Variants in MAP1A observed in about 807,000 individuals in gnomAD.
MAP1A encodes microtubule associated protein 1A, also known as microtubule-associated protein 1A.
In MAP1A, 42 loss-of-function variants were observed where a neutral mutation model predicts 185.9. The ratio of observed to expected loss-of-function variants is 0.23; its 90% confidence interval spans 0.18 to 0.29. MAP1A has a LOEUF of 0.29. Ranked by LOEUF, MAP1A falls within the 10% of genes least tolerant of loss-of-function variation. MAP1A has a pLI of 1.00. For missense variants in MAP1A, 2,995 were observed against 3,450.4 expected (o/e 0.87, Z 3.31); for synonymous variants, 1,229 against 1,335.9 (o/e 0.92, Z 1.74).
rs747124404 is a variant in MAP1A at position 43,523,564 on chromosome 15, G to A, written c.2091G>A (p.Glu697=). The part of the protein sequence containing the change: ...EPLKVTPRSR[E]AFGGRELGLQ... ...TGAAGGTAACTCCAAGGAGCCGGGAGGCTTTTGGGGGTCGGGAATTGGGAC... is the reference window on the plus strand; with the variant it reads ...TGAAGGTAACTCCAAGGAGCCGGGAAGCTTTTGGGGGTCGGGAATTGGGAC... Residue 697 remains glutamate, a synonymous_variant, in exon 4 of 6, where the codon GAG becomes GAA. Coordinates refer to ENST00000300231, the MANE Select transcript of MAP1A (RefSeq NM_002373.6). 4 of 1,614,072 alleles carry A rather than the reference G, an allele frequency of 2.5e-6. No individual in the cohort carries two copies. The highest frequency in any genetic ancestry group is 2.2e-5 in the South Asian group (2 of 91,092).
rs745783861 is a variant in MAP1A, at chr15:43,529,710, C to T, written c.8096C>T (p.Pro2699Leu). ...GTATATGTGGATCTCGCCTACATCC[C>T]GAATCATTGCAGTGGCAAGACTGCT... ...APVYVDLAYI[P>L]NHCSGKTADL... Residue 2699 changes from proline (P) to leucine (L), a missense_variant, in exon 5 of 6, where the codon CCG becomes CTG. Pro to Leu is a moderately conservative substitution (Grantham distance 98). Around this residue, in one of 3 missense-constraint regions of MAP1A, gnomAD observed 2,728 missense variants for 2,986.0 expected, o/e 0.91. Transcript: ENST00000300231. The surrounding 1 kb of genome is among the most constrained non-coding windows in gnomAD (Gnocchi z 4.3). 3.1e-6 allele frequency: 5 copies of T among 1,614,026 alleles called. No individual in the cohort carries two copies. Among genetic ancestry groups the T allele is most frequent in the Non-Finnish European group, 4.2e-6 (5 of 1,179,996 alleles).
intron 1 of MAP1A, among the ~76,000 whole-genome samples, chr15:43,520,268 C>G (rs2079314116): frequency 6.6e-6 from 1 of 152,184 alleles, no homozygotes; most frequent in Non-Finnish European, 1.5e-5. Context: ...CCCAGGGGCC[C>G]TCTCTCCAGC....
chr15:43,516,228 G>A (rs2079296764), upstream of MAP1A, among the ~76,000 whole-genome samples: 1 of 152,174 alleles, frequency 6.6e-6, no homozygotes, highest in African/African-American at 2.4e-5. Flanking sequence ...CCCAAACGGG[G>A]TTGTTGCCAT....
chr15:43,528,344 C>G lies in MAP1A; in HGVS notation c.6871C>G (p.Pro2291Ala). The change falls in exon 4 of 6, where the codon CCA becomes GCA. Residue 2291 changes from proline (P) to alanine (A), a missense_variant. By Grantham distance (27) the Pro-to-Ala change is conservative (BLOSUM62 -1). Transcript: ENST00000300231. ...AGAACAGGAGTCTGGAGAGCTGGAC[C>G]CAGGAATGGAACCAGCTGCCCACAG... ...AAEQESGELDPGMEPAAHSLW... is the reference protein window; with the variant it reads ...AAEQESGELDAGMEPAAHSLW... The G allele has an allele frequency of 6.2e-7, 1 of 1,614,068 alleles. No individual in the cohort carries two copies. Among genetic ancestry groups the G allele is most frequent in the Non-Finnish European group, 8.5e-7 (1 of 1,180,026 alleles).
In MAP1A at chr15:43,522,357, C is replaced by T. The variant is rs759475015; in HGVS notation, c.884C>T (p.Thr295Met). The change falls in exon 4 of 6, where the codon ACG becomes ATG. Residue 295 changes from threonine (T) to methionine (M), a missense_variant. Physicochemically the swap from Thr to Met is moderately conservative, Grantham distance 81 (BLOSUM62 -1). Coordinates refer to ENST00000300231, the MANE Select transcript of MAP1A (RefSeq NM_002373.6). The surrounding 1 kb of genome is among the most constrained non-coding windows in gnomAD (Gnocchi z 5.9). The stretch of plus-strand genomic sequence containing the variant: ...GACTTCCTGCGTTACCCTGTGGCCA[C>T]GCAGAAGGACCTGGCTTCTGGGGCT... Reference protein sequence around the residue: ...HLDFLRYPVATQKDLASGAVP... With the variant: ...HLDFLRYPVAMQKDLASGAVP... The T allele has an allele frequency of 1.4e-5, 22 of 1,614,032 alleles. No homozygotes were observed. Among genetic ancestry groups the T allele is most frequent in the South Asian group, 7.7e-5 (7 of 91,084 alleles).
chr15:43,528,561 C>T lies in MAP1A; in HGVS notation c.7088C>T (p.Thr2363Ile), dbSNP rs770203532. 5 of 1,613,792 alleles carry T rather than the reference C, an allele frequency of 3.1e-6. No homozygotes were observed. In the South Asian group the frequency reaches 5.5e-5, roughly 18 times the overall value. ...PSEDCAANGP[T>I]ETSPNPPGPA... ...GAGGATTGTGCAGCCAATGGCCCAACTGAAACCAGCCCTAACCCCCCAGGC... is the reference window on the plus strand; with the variant it reads ...GAGGATTGTGCAGCCAATGGCCCAATTGAAACCAGCCCTAACCCCCCAGGC... Residue 2363 changes from threonine to isoleucine, a missense_variant, in exon 4 of 6, where the codon ACT (threonine) becomes ATT (isoleucine). Thr to Ile is a moderately conservative substitution (Grantham distance 89, BLOSUM62 -1). Around this residue, in one of 3 missense-constraint regions of MAP1A, gnomAD observed 2,728 missense variants for 2,986.0 expected, o/e 0.91. Transcript: ENST00000300231.
chr15:43,519,366 G>A (rs1040258861), intron 1 of MAP1A, among the ~76,000 whole-genome samples: 1 of 152,202 alleles, frequency 6.6e-6, no homozygotes, highest in African/African-American at 2.4e-5. Context: ...TGTGCTGCCA[G>A]ATCTGCCTGA....
In MAP1A at chr15:43,524,253, T is replaced by C. The variant is rs772722648; in HGVS notation, c.2780T>C (p.Ile927Thr). 3.7e-5 allele frequency: 59 copies of C among 1,613,870 alleles called. No homozygotes were observed. The highest frequency in any genetic ancestry group is 4.6e-5 in the Non-Finnish European group (54 of 1,180,004). Reference sequence around the variant, plus strand: ...GGGGAGTCAGAGAAGAGAGGAGAGATCATAGGGAAAGGCTTGTCTGGAGAG... The same window carrying C: ...GGGGAGTCAGAGAAGAGAGGAGAGACCATAGGGAAAGGCTTGTCTGGAGAG... ...VTGESEKRGE[I>T]IGKGLSGERA... The change falls in exon 4 of 6, where the codon ATC (isoleucine) becomes ACC (threonine). Residue 927 changes from isoleucine to threonine, a missense_variant. This residue lies in a region of MAP1A where 2,728 missense variants were observed against 2,986.0 expected (regional missense o/e 0.91). Transcript: ENST00000300231.
Position 43,528,345 on chromosome 15 carries a change from C to T in MAP1A, c.6872C>T (p.Pro2291Leu). 6.2e-7 allele frequency: 1 copy of T among 1,614,086 alleles called. No homozygotes were observed. Among genetic ancestry groups the T allele is most frequent in the Non-Finnish European group, 8.5e-7 (1 of 1,180,024 alleles). ...AAEQESGELD[P>L]GMEPAAHSLW... ...GAACAGGAGTCTGGAGAGCTGGACC[C>T]AGGAATGGAACCAGCTGCCCACAGC... The change falls in exon 4 of 6, where the codon CCA (proline) becomes CTA (leucine). Residue 2291 changes from proline (P) to leucine (L), a missense_variant. Pro to Leu is a moderately conservative substitution (Grantham distance 98). Around this residue, in one of 3 missense-constraint regions of MAP1A, gnomAD observed 2,728 missense variants for 2,986.0 expected, o/e 0.91. Coordinates refer to ENST00000300231, the MANE Select transcript of MAP1A (RefSeq NM_002373.6).
rs2079327310 is a variant in MAP1A at position 43,523,236 on chromosome 15, A to G, written c.1763A>G (p.His588Arg). 6.2e-7 allele frequency: 1 copy of G among 1,613,964 alleles called. No homozygotes were observed. Among genetic ancestry groups the G allele is most frequent in the Admixed American group, 1.7e-5 (1 of 59,986 alleles). The change falls in exon 4 of 6, where the codon CAT (histidine) becomes CGT (arginine). Residue 588 changes from histidine (H) to arginine (R), a missense_variant. Transcript: ENST00000300231. ...PSVPGLGQEE[H>R]VMKEKELVPE... ...GTTCCAGGGCTGGGACAAGAAGAAC[A>G]TGTGATGAAGGAGAAAGAGCTTGTC...
At position 43,530,391 on chromosome 15, in the gene MAP1A, T is replaced by C. The variant is rs887322623; in HGVS notation, c.*167T>C. 1 of 784,002 alleles carries C rather than the reference T, an allele frequency of 1.3e-6. No homozygotes were observed. The highest frequency in any genetic ancestry group is 1.7e-5 in the African/African-American group (1 of 57,244). 48.6% of individuals were successfully genotyped at this position (784,002 alleles called of 1,614,324 possible). A position where few individuals can be genotyped will look rare whatever the true frequency, so the allele number is the denominator to read the frequency against. ...AAATGGGAGGGGTTGTCCCTCCCCA[T>C]CATCCATTCCTGTGAGGTGTCTCAA... On this transcript the variant is annotated 3_prime_UTR_variant, in exon 6 of 6. Transcript: ENST00000300231.
Position 43,526,671 on chromosome 15 carries a change from G to GCCCAGATGATGAGCAAGAAGTACC in MAP1A, c.5201_5224dup (p.Pro1734_Pro1741dup), listed in dbSNP as rs780626440. 3.3e-5 allele frequency: 54 copies of GCCCAGATGATGAGCAAGAAGTACC among 1,613,894 alleles called. No individual in the cohort carries two copies. The Admixed American group carries it at 9.0e-4, about 27-fold the overall frequency. ...CGGGAAAGCACTTTCCTAGATGAGGGCCCAGATGATGAGCAAGAAGTACCC... is the reference window on the plus strand; with the variant it reads ...CGGGAAAGCACTTTCCTAGATGAGGGCCCAGATGATGAGCAAGAAGTACCCCCAGATGATGAGCAAGAAGTACCC... On this transcript the variant is annotated inframe_insertion, in exon 4 of 6. Coordinates refer to ENST00000300231, the MANE Select transcript of MAP1A (RefSeq NM_002373.6). The surrounding 1 kb of genome is among the most constrained non-coding windows in gnomAD (Gnocchi z 4.7).
rs1158614651 is a variant in MAP1A at position 43,530,120 on chromosome 15, C to G, written c.8308C>G (p.Gln2770Glu). 5.6e-6 allele frequency: 9 copies of G among 1,614,092 alleles called. No individual in the cohort carries two copies. In the South Asian group the frequency reaches 8.8e-5, roughly 16 times the overall value. The part of the protein sequence containing the change: ...DTEVTREWYQ[Q>E]THEQQQQLNV... Reference sequence around the variant, plus strand: ...GGAGGTGACTCGTGAGTGGTACCAACAAACTCATGAGCAGCAGCAACAACT... The same window carrying G: ...GGAGGTGACTCGTGAGTGGTACCAAGAAACTCATGAGCAGCAGCAACAACT... The change falls in exon 6 of 6, where the codon CAA (glutamine) becomes GAA (glutamate). Residue 2770 changes from glutamine to glutamate, a missense_variant. Physicochemically the swap from Gln to Glu is conservative, Grantham distance 29. Coordinates refer to ENST00000300231, the MANE Select transcript of MAP1A (RefSeq NM_002373.6).
At position 43,527,948 on chromosome 15, in the gene MAP1A, C is replaced by T; in HGVS notation, c.6475C>T (p.Pro2159Ser). ...GGACTCACACCTGGGGCCTGCCCGA[C>T]CCAGTCTGGACTTCCCTGCTTCAGC... is the stretch of plus-strand genomic sequence containing the variant. Reference protein sequence around the residue: ...PLDSHLGPARPSLDFPASAFG... With the variant: ...PLDSHLGPARSSLDFPASAFG... The change falls in exon 4 of 6, where the codon CCC becomes TCC. Residue 2159 changes from proline to serine, a missense_variant. By Grantham distance (74) the Pro-to-Ser change is moderately conservative (BLOSUM62 -1). This residue lies in a region of MAP1A where 2,728 missense variants were observed against 2,986.0 expected (regional missense o/e 0.91). Coordinates refer to ENST00000300231, the MANE Select transcript of MAP1A (RefSeq NM_002373.6). The T allele has an allele frequency of 6.2e-7, 1 of 1,614,132 alleles. No individual in the cohort carries two copies. The highest frequency in any genetic ancestry group is 1.1e-5 in the South Asian group (1 of 91,084).
In MAP1A at chr15:43,528,733, G is replaced by A. The variant is rs758473676; in HGVS notation, c.7260G>A (p.Gly2420=). 1.9e-6 allele frequency: 3 copies of A among 1,613,068 alleles called. No homozygotes were observed. Among genetic ancestry groups the A allele is most frequent in the Non-Finnish European group, 2.5e-6 (3 of 1,179,562 alleles). The change falls in exon 4 of 6, where the codon GGG becomes GGA. Residue 2420 remains glycine (G), a synonymous_variant. Transcript: ENST00000300231. ...CAGTGTGTCCTGCAGGGGGCTCCGGGGGCCCACCCAGCAGTGCCTCTCCTG... is the reference window on the plus strand; with the variant it reads ...CAGTGTGTCCTGCAGGGGGCTCCGGAGGCCCACCCAGCAGTGCCTCTCCTG... ...EQPVCPAGGS[G]GPPSSASPEV...
At chr15:43,520,864 G>T in intron 2 of MAP1A, 108 bp from the exon 3 acceptor site, 1 of 1,328,698 alleles carries the variant, frequency 7.5e-7, no homozygotes, top group Non-Finnish European at 1.0e-6. Flanking sequence ...CTCTGGAGGT[G>T]TTATGAGGGA....
chr15:43,511,077 T>G lies in MAP1A; in HGVS notation c.89T>G (p.Leu30Arg), dbSNP rs923406737. ...GGGCTCCGAAGTCCCGGCGCACCGC[T>G]GGCTCAGAACCCCGCGGAGCTGCTG... The change falls in exon 1 of 7, where the codon CTG becomes CGG. Residue 30 changes from leucine (L) to arginine (R), a missense_variant. By Grantham distance (102) the Leu-to-Arg change is moderately radical. Transcript: ENST00000382031. 8 of 1,549,752 alleles carry G rather than the reference T, an allele frequency of 5.2e-6. No individual in the cohort carries two copies. In the African/African-American group the frequency reaches 9.6e-5, roughly 19 times the overall value.
At position 43,530,376 on chromosome 15, in the gene MAP1A, GGTTGT is replaced by G; in HGVS notation, c.*153_*157del. 1.3e-5 allele frequency: 12 copies of G among 914,326 alleles called. No homozygotes were observed. Among genetic ancestry groups the G allele is most frequent in the African/African-American group, 3.3e-5 (2 of 59,992 alleles). The allele number at this position is 914,326 out of a possible 1,614,324, so 56.6% of individuals were successfully genotyped here. A position where few individuals can be genotyped will look rare whatever the true frequency, so the allele number is the denominator to read the frequency against. ...GACTTGGGCTGGGCTAAATGGGAGG[GGTTGT>G]CCCTCCCCATCATCCATTCCTGTGA... On this transcript the variant is annotated 3_prime_UTR_variant, in exon 6 of 6. Coordinates refer to ENST00000300231, the MANE Select transcript of MAP1A (RefSeq NM_002373.6).
chr15:43,517,649 G>A lies in MAP1A; in HGVS notation c.-426G>A, dbSNP rs1356035471. On this transcript the variant is annotated 5_prime_UTR_variant, in exon 1 of 6. Transcript: ENST00000300231. The stretch of plus-strand genomic sequence containing the variant: ...CTGCAGACTCTTCCCTGAAGCTGCC[G>A]GCTGAGGCCGGAGCTGCCGCCTCCA... 7.3e-6 allele frequency: 7 copies of A among 962,296 alleles called. No homozygotes were observed. Among genetic ancestry groups the A allele is most frequent in the East Asian group, 2.7e-4 (2 of 7,546 alleles). The allele number at this position is 962,296 out of a possible 1,614,324, so 59.6% of individuals were successfully genotyped here.
Sources: gnomAD v4.1 joint callset for allele counts (sites outside exome capture counted in the v4.1 genomes callset) on GRCh38, gnomAD v4.1.1 for gene constraint, gnomAD v4.1.1 regional missense constraint, Gnocchi (gnomAD v3.1) non-coding constraint, MANE v1.5 for transcripts, NCBI Gene and HGNC (gene_info 2026-07-23, HGNC 2026-07-21) for gene names.